Variants in GOLIM4 observed in about 807,000 individuals in gnomAD.
GOLIM4 encodes 130 kDa golgi-localized phosphoprotein.
Under a neutral mutation model 107.4 loss-of-function variants are expected in GOLIM4, and 71 were observed. The observed-to-expected ratio is 0.66, with a 90% CI of 0.55 to 0.81. The LOEUF (loss-of-function observed/expected upper bound fraction) is 0.81. Among genes scored for constraint, GOLIM4 ranks in the 30% least tolerant of loss-of-function variants. The pLI is 0.00. For missense variants in GOLIM4, 830 were observed against 826.1 expected, an observed-to-expected ratio of 1.00 and a Z score of -0.06; for synonymous variants, 327 against 294.8, an observed-to-expected ratio of 1.11 and a Z score of -1.12.
intron 5 of GOLIM4, among the ~76,000 whole-genome samples, chr3:168,042,807 G>A (rs1719091720): frequency 6.6e-6 from 1 of 152,114 alleles, no homozygotes; most frequent in African/African-American, 2.4e-5. Context: ...ATTCTACAAG[G>A]TTGATATTTT....
chr3:168,053,948 G>A (rs926897961), intron 1 of GOLIM4, among the ~76,000 whole-genome samples: 9 of 152,190 alleles, frequency 5.9e-5, no homozygotes, highest in African/African-American at 2.2e-4. Context: ...TTTTAAGGCT[G>A]ACACAGGACT....
In GOLIM4 at chr3:168,010,049, T is replaced by TC. The variant is rs1716903043; in HGVS notation, c.*219dup. ...GGGCTCAGGTTTACTTTATTGTTTT[T>TC]CTTCTTTTTCATGTTTAGCTTGAAT... On this transcript the variant is annotated 3_prime_UTR_variant, in exon 16 of 16. Coordinates refer to ENST00000470487, the MANE Select transcript of GOLIM4 (RefSeq NM_014498.5). 7.8e-6 allele frequency: 3 copies of TC among 386,118 alleles called. No individual in the cohort carries two copies. Among genetic ancestry groups the TC allele is most frequent in the Middle Eastern group, 6.7e-4 (1 of 1,494 alleles). 23.9% of individuals were successfully genotyped at this position (386,118 alleles called of 1,614,324 possible). A position where few individuals can be genotyped will look rare whatever the true frequency, so the allele number is the denominator to read the frequency against.
At chr3:168,078,027 A>G (rs1721155378) in intron 1 of GOLIM4, among the ~76,000 whole-genome samples, 1 of 152,096 alleles carries the variant, frequency 6.6e-6, no homozygotes, top group Admixed American at 6.5e-5. Context: ...CTTCACAAGT[A>G]TAACTAGTAT....
intron 1 of GOLIM4, among the ~76,000 whole-genome samples, chr3:168,093,826 CAAGTT>C (rs1206817364): frequency 2.6e-5 from 4 of 152,142 alleles, no homozygotes; most frequent in Admixed American, 2.6e-4. Context: ...TTGGGAAGAG[CAAGTT>C]AAGTCCAAAC....
intron 8 of GOLIM4, among the ~76,000 whole-genome samples, chr3:168,034,213 A>G (rs187446326): frequency 6.6e-6 from 1 of 152,298 alleles, no homozygotes; most frequent in East Asian, 1.9e-4. Flanking sequence ...TTACAGAAAA[A>G]TATTTCTCTA....
At chr3:168,030,268 T>C (rs6444790) in intron 9 of GOLIM4, among the ~76,000 whole-genome samples, 75,483 of 151,982 alleles carry the variant, frequency 0.5, 19,634 homozygotes, top group Middle Eastern at 0.58. Flanking sequence ...AAGGCAGATT[T>C]TCAATGTGCT....
Position 168,044,869 on chromosome 3 carries a change from T to C in GOLIM4, c.325A>G (p.Ser109Gly). ...TLNKGRQDSN[S>G]RYSALNVQHQ... Reference sequence around the variant, plus strand: ...TGGACATTCAGTGCACTGTATCTGCTATTGGAATCTTGCTGTAAATCAAAA... The same window carrying C: ...TGGACATTCAGTGCACTGTATCTGCCATTGGAATCTTGCTGTAAATCAAAA... The change falls in exon 4 of 16, where the codon AGC becomes GGC. Residue 109 changes from serine (S) to glycine (G), a missense_variant. Ser to Gly is a moderately conservative substitution (Grantham distance 56, BLOSUM62 0). Transcript: ENST00000470487. 5 of 1,555,408 alleles carry C rather than the reference T, an allele frequency of 3.2e-6. No individual in the cohort carries two copies. Among genetic ancestry groups the C allele is most frequent in the Middle Eastern group, 1.7e-4 (1 of 5,878 alleles).
chr3:168,048,804 A>G (rs113889024), intron 1 of GOLIM4, among the ~76,000 whole-genome samples: 2 of 152,318 alleles, frequency 1.3e-5, no homozygotes, highest in African/African-American at 2.4e-5. Flanking sequence ...TAAATATTCC[A>G]TAAGTACTAC....
intron 1 of GOLIM4, among the ~76,000 whole-genome samples, chr3:168,074,849 T>A (rs1720994090): frequency 6.6e-6 from 1 of 152,200 alleles, no homozygotes; most frequent in Admixed American, 6.5e-5. Flanking sequence ...GTGGCCCACA[T>A]CATGCCAATA....
chr3:168,027,657 A>C, intron 12 of GOLIM4, 71 bp downstream of exon 12: 1 of 881,416 alleles, frequency 1.1e-6, no homozygotes, highest in Non-Finnish European at 1.9e-6. Flanking sequence ...GGCTGGCATC[A>C]GGCAAGTTTT....
chr3:168,023,457 A>G (rs1278099089), intron 14 of GOLIM4, among the ~76,000 whole-genome samples: 3 of 152,226 alleles, frequency 2.0e-5, no homozygotes, highest in Non-Finnish European at 4.4e-5. Context: ...CACAAATTTT[A>G]TCATCAGCTC....
chr3:168,035,085 C>T (rs1209361998), intron 8 of GOLIM4, among the ~76,000 whole-genome samples: 1 of 145,480 alleles, frequency 6.9e-6, no homozygotes, highest in Non-Finnish European at 1.5e-5. Flanking sequence ...TAGAGAAATG[C>T]AAATCAAAAC....
chr3:168,009,795 T>C lies in GOLIM4; in HGVS notation c.*474A>G, dbSNP rs538449537. On this transcript the variant is annotated 3_prime_UTR_variant, in exon 16 of 16. Coordinates refer to ENST00000470487, the MANE Select transcript of GOLIM4 (RefSeq NM_014498.5). ...GATACATAGACTGGTGAAAATTCTA[T>C]CAGAGCTATACATAAAGACATCAGA... The C allele has an allele frequency of 1.3e-5, 2 of 152,662 alleles. No homozygotes were observed. Among genetic ancestry groups the C allele is most frequent in the African/African-American group, 4.8e-5 (2 of 41,582 alleles). 9.5% of individuals were successfully genotyped at this position (152,662 alleles called of 1,614,324 possible).
Position 168,095,475 on chromosome 3 carries a change from T to C in GOLIM4, c.-190A>G. 1 of 540,972 alleles carries C rather than the reference T, an allele frequency of 1.8e-6. No individual in the cohort carries two copies. The highest frequency in any genetic ancestry group is 3.2e-6 in the Non-Finnish European group (1 of 310,316). The allele number at this position is 540,972 out of a possible 1,614,324, so 33.5% of individuals were successfully genotyped here. On this transcript the variant is annotated 5_prime_UTR_variant, in exon 1 of 16. An upstream start codon of the reference 5' UTR is lost. Transcript: ENST00000470487. The stretch of plus-strand genomic sequence containing the variant: ...CCGCGCGGCGCGGGGCGCGCAGCCA[T>C]CGACGCCGCCCGGGCAGCTGCAGCC...
chr3:168,089,075 T>C (rs1721768890), intron 1 of GOLIM4, among the ~76,000 whole-genome samples: 1 of 152,232 alleles, frequency 6.6e-6, no homozygotes. Context: ...ATCATACATA[T>C]TCAAAAGAAT....
At chr3:168,051,211 G>A (rs1397417561) in intron 1 of GOLIM4, among the ~76,000 whole-genome samples, 1 of 151,990 alleles carries the variant, frequency 6.6e-6, no homozygotes, top group Non-Finnish European at 1.5e-5. Context: ...GGAGTGTGGG[G>A]GATATGGGTG....
intron 8 of GOLIM4, among the ~76,000 whole-genome samples, chr3:168,033,584 G>A (rs1718462463): frequency 8.9e-6 from 1 of 112,430 alleles, no homozygotes; most frequent in Admixed American, 1.3e-4. Flanking sequence ...TCCAGCCTGG[G>A]CGACAGAGCA....
chr3:168,052,967 T>C (rs1719738515), intron 1 of GOLIM4, among the ~76,000 whole-genome samples: 1 of 152,160 alleles, frequency 6.6e-6, no homozygotes, highest in Admixed American at 6.5e-5. Context: ...AGGAATAGGA[T>C]TTGAATCCAA....
Position 168,052,611 on chromosome 3 carries a change from T to C in GOLIM4, c.188-4246A>G, listed in dbSNP as rs2108258830. On this transcript the variant is annotated intron_variant, in intron 1 of 15. Transcript: ENST00000470487. ...TATAGAATTTCTGTGCTTGTACCTC[T>C]TTTAGAAAACTTCACTATTAAGCAC... 2.0e-5 allele frequency among the ~76,000 whole-genome samples: 3 copies of C among 152,302 alleles called. No homozygotes were observed. The South Asian group carries it at 6.2e-4, about 32-fold the overall frequency.
Sources: allele counts gnomAD v4.1 joint callset (sites outside exome capture counted in the v4.1 genomes callset), GRCh38; gene constraint gnomAD v4.1.1; transcripts MANE v1.5; gene names NCBI Gene and HGNC (gene_info 2026-07-23, HGNC 2026-07-21).